Variants in LIPA observed in about 807,000 individuals in gnomAD.
LIPA encodes the protein lipase A, lysosomal acid type.
In LIPA, 26 loss-of-function variants were observed where a neutral mutation model predicts 40.6. That is an observed-to-expected ratio of 0.64 (90% CI 0.47 to 0.89). LIPA has a LOEUF of 0.89. Ranked by LOEUF, LIPA falls within the 40% of genes least tolerant of loss-of-function variation. LIPA has a pLI of 0.00. For synonymous variants in LIPA, 188 were observed against 168.4 expected (o/e 1.12, Z -0.90); for missense variants, 455 against 479.6 (o/e 0.95, Z 0.48).
At chr10:89,295,025 G>GGAAAGGAAAGGA (rs1564778293) in intron 1 of LIPA, among the ~76,000 whole-genome samples, 1 of 105,012 alleles carries the variant, frequency 9.5e-6, no homozygotes, top group African/African-American at 4.3e-5. Context: ...TGAAATGAAA[G>GGAAAGGAAAGGA]GAAAGGAAAG....
chr10:89,403,683 T>A, intron 2 of LIPA: 2 of 1,598,440 alleles, frequency 1.3e-6, no homozygotes, highest in Non-Finnish European at 1.7e-6. Flanking sequence ...GGCTGCTGAC[T>A]TTGAGAACTC....
chr10:89,361,558 G>A (rs11203092), intron 2 of LIPA, among the ~76,000 whole-genome samples: 27 of 152,056 alleles, frequency 1.8e-4, no homozygotes, highest in African/African-American at 5.8e-4. Flanking sequence ...CCTGAGAAAC[G>A]AAAGTGTCAT....
In LIPA at chr10:89,261,723, C is replaced by T. The variant is rs1200813211; in HGVS notation, c.-1-14074G>A. Among the ~76,000 whole-genome samples the T allele has an allele frequency of 2.6e-5, 4 of 152,252 alleles. No homozygotes were observed. The East Asian group carries it at 7.7e-4, about 29-fold the overall frequency. ...AATAGAACTCTAGTCTCATTCTGTA[C>T]CTTCTGTGGTTTATTCTTATTCTTC... is the stretch of plus-strand genomic sequence containing the variant. On this transcript the variant is annotated intron_variant, in intron 1 of 5. Transcript: ENST00000282673.
intron 1 of LIPA, among the ~76,000 whole-genome samples, chr10:89,249,311 G>T (rs976731772): frequency 6.6e-6 from 1 of 152,192 alleles, no homozygotes. Context: ...GATGCTGAAG[G>T]CAAAGTTAAA....
intron 2 of LIPA, among the ~76,000 whole-genome samples, chr10:89,412,106 T>C (rs1180624144): frequency 6.6e-6 from 1 of 152,120 alleles, no homozygotes; most frequent in Non-Finnish European, 1.5e-5. Flanking sequence ...TGGAGGACAC[T>C]ACACCTACAG....
intron 8 of LIPA, among the ~76,000 whole-genome samples, chr10:89,219,324 C>G (rs1842667657): frequency 6.6e-6 from 1 of 152,100 alleles, no homozygotes; most frequent in African/African-American, 2.4e-5. Flanking sequence ...CAGAACAACA[C>G]TGGAAAACTA....
At chr10:89,365,619 A>T (rs1239205680) in intron 2 of LIPA, among the ~76,000 whole-genome samples, 1 of 152,052 alleles carries the variant, frequency 6.6e-6, no homozygotes, top group Non-Finnish European at 1.5e-5. Flanking sequence ...TCTTGAATTA[A>T]TTTTTGTATA....
chr10:89,341,919 C>T (rs1053660702), intron 1 of LIPA, among the ~76,000 whole-genome samples: 1 of 152,056 alleles, frequency 6.6e-6, no homozygotes, highest in Admixed American at 6.6e-5. Context: ...ATGTTGCATA[C>T]GTGAAAATTG....
intron 1 of LIPA, among the ~76,000 whole-genome samples, chr10:89,261,374 G>A (rs1032178436): frequency 2.0e-5 from 3 of 152,144 alleles, no homozygotes; most frequent in East Asian, 1.9e-4. Flanking sequence ...GTTTGATGGC[G>A]GACGCCTGTA....
At chr10:89,239,453 G>A (rs182123600) in intron 3 of LIPA, among the ~76,000 whole-genome samples, 50 of 152,326 alleles carry the variant, frequency 3.3e-4, no homozygotes, top group Middle Eastern at 3.4e-3. Context: ...AGGGCACAGC[G>A]CTTGGCCTGT....
chr10:89,232,466 C>T lies in LIPA; in HGVS notation c.230-4068G>A, dbSNP rs61853097. Reference sequence around the variant, plus strand: ...GTCAGAGAGAGGCAAGAGGAAGGCTCGGTAGGTGGCCTAATTCCTTGGCAC... The same window carrying T: ...GTCAGAGAGAGGCAAGAGGAAGGCTTGGTAGGTGGCCTAATTCCTTGGCAC... On this transcript the variant is annotated intron_variant, in intron 3 of 9. Transcript: ENST00000336233. 7.6e-3 allele frequency among the ~76,000 whole-genome samples: 1,163 copies of T among 152,308 alleles called. 11 individuals are homozygous for T. The highest frequency in any genetic ancestry group is 0.01 in the Middle Eastern group (3 of 294).
At position 89,273,810 on chromosome 10, in the gene LIPA, A is replaced by T. The variant is rs536172084; in HGVS notation, c.-1-26161T>A. On this transcript the variant is annotated intron_variant, in intron 1 of 5. Transcript: ENST00000282673. The stretch of plus-strand genomic sequence containing the variant: ...CATTTCTTCAAGATGCTCTGTGAAC[A>T]TGAAGAATTCATAGGGCCAGAGAGC... 5.3e-5 allele frequency among the ~76,000 whole-genome samples: 8 copies of T among 152,344 alleles called. No individual in the cohort carries two copies. The East Asian group carries it at 1.5e-3, about 29-fold the overall frequency.
At chr10:89,223,469 A>T (rs529989925) in intron 7 of LIPA, among the ~76,000 whole-genome samples, 96 of 152,322 alleles carry the variant, frequency 6.3e-4, no homozygotes, top group Non-Finnish European at 1.2e-3. Context: ...ATCTCCATCT[A>T]GGTACAACAT....
At chr10:89,355,176 C>G (rs1036123423) in intron 2 of LIPA, among the ~76,000 whole-genome samples, 1 of 152,234 alleles carries the variant, frequency 6.6e-6, no homozygotes, top group Non-Finnish European at 1.5e-5. Flanking sequence ...ACTTTTATGT[C>G]TGCCCCCTAG....
rs187311042 is a variant in LIPA, at chr10:89,226,590, T to C, written c.538+305A>G. 9.8e-5 allele frequency among the ~76,000 whole-genome samples: 15 copies of C among 152,362 alleles called. 1 individual carries two copies. In the East Asian group the frequency reaches 2.9e-3, roughly 29 times the overall value. On this transcript the variant is annotated intron_variant, in intron 5 of 9. Transcript: ENST00000336233. ...GAAGGCAGTATATTTTCTTGTTTTC[T>C]TTATGTAAGTCTCTGAACTTAGAAA...
At chr10:89,332,503 A>G (rs1315502047) in intron 1 of LIPA, 2 of 1,583,256 alleles carry the variant, frequency 1.3e-6, no homozygotes, top group Non-Finnish European at 8.6e-7. Flanking sequence ...CCCTTTCATA[A>G]AAGCACAGAC....
chr10:89,303,375 C>T (rs1019519638), intron 1 of LIPA, among the ~76,000 whole-genome samples: 5 of 152,174 alleles, frequency 3.3e-5, no homozygotes, highest in African/African-American at 1.2e-4. Context: ...TCTGAGACTG[C>T]GGTGGTAGCA....
chr10:89,225,299 G>C, intron 5 of LIPA, 71 bp from the exon 6 acceptor site: 8 of 1,593,426 alleles, frequency 5.0e-6, no homozygotes, highest in African/African-American at 1.3e-5. Context: ...CACAAAGGCC[G>C]TCACTCGCGA....
chr10:89,383,307 C>T lies in LIPA; in HGVS notation c.61+29484G>A. 1.9e-6 allele frequency: 3 copies of T among 1,595,398 alleles called. 1 individual carries two copies. The highest frequency in any genetic ancestry group is 1.7e-6 in the Non-Finnish European group (2 of 1,170,406). ...TTCTCAAAATGTAATTAATTGCTGC[C>T]TATTTTTACAGTGAAGAATCTGATG... On this transcript the variant is annotated intron_variant, in intron 2 of 8. Transcript: ENST00000371837.
Sources: gnomAD v4.1 joint callset for allele counts (sites outside exome capture counted in the v4.1 genomes callset) on GRCh38, gnomAD v4.1.1 for gene constraint, MANE v1.5 for transcripts, NCBI Gene and HGNC (gene_info 2026-07-23, HGNC 2026-07-21) for gene names.